Variants in TENM1 observed in about 807,000 individuals in gnomAD.
TENM1 encodes teneurin-1.
In TENM1, 35 loss-of-function variants were observed where a neutral mutation model predicts 174.8. The observed-to-expected ratio is 0.20, with a 90% CI of 0.15 to 0.27. The LOEUF (loss-of-function observed/expected upper bound fraction) is 0.27. TENM1 is among the 10% of genes least tolerant of loss of function. The pLI, the probability that TENM1 is intolerant of heterozygous loss-of-function variation, is 1.00. For synonymous variants in TENM1, 781 were observed against 798.7 expected, an observed-to-expected ratio of 0.98 and a Z score of 0.37; for missense variants, 1,633 against 2,130.1, an observed-to-expected ratio of 0.77 and a Z score of 4.59.
the TENM1 span, chrX:125,204,299 C>G: frequency 8.9e-6 from 1 of 111,874 alleles, no homozygotes; most frequent in Admixed American, 9.4e-5. Flanking sequence ...CCGTGGCCGC[C>G]GCCGCCGCGC....
At chrX:124,974,114 A>G in the TENM1 span, among the ~76,000 whole-genome samples, 5 of 111,749 alleles carry the variant, frequency 4.5e-5, no homozygotes, top group Admixed American at 1.9e-4. Context: ...ACTACTAATA[A>G]TAATAAAGCA....
At chrX:124,902,223 T>C (rs945812246) in intron 1 of TENM1, among the ~76,000 whole-genome samples, 1 of 112,309 alleles carries the variant, frequency 8.9e-6, no homozygotes, top group Admixed American at 9.5e-5. Flanking sequence ...GTTAGTAGTT[T>C]CATGAATCAA....
At chrX:124,851,376 T>G (rs1042681913) in intron 3 of TENM1, among the ~76,000 whole-genome samples, 1 of 111,769 alleles carries the variant, frequency 8.9e-6, no homozygotes, top group Non-Finnish European at 1.9e-5. Context: ...TCTTGAGGAA[T>G]TAGAAAACTT....
intron 3 of TENM1, among the ~76,000 whole-genome samples, chrX:124,747,329 T>A (rs1603117363): frequency 9.2e-6 from 1 of 108,566 alleles, no homozygotes; most frequent in African/African-American, 3.4e-5. Flanking sequence ...TTAGCTCATC[T>A]CAAGGGGAAG....
At chrX:124,645,102 A>T in intron 10 of TENM1, 41 bp downstream of exon 13, 1 of 1,164,145 alleles carries the variant, frequency 8.6e-7, no homozygotes, top group Non-Finnish European at 1.2e-6. Context: ...CAACTGAGTG[A>T]GAGAAAAGCC....
chrX:124,492,248 A>C (rs1334253573), intron 20 of TENM1, among the ~76,000 whole-genome samples: 2 of 111,683 alleles, frequency 1.8e-5, no homozygotes, highest in Non-Finnish European at 3.8e-5. Context: ...AAGTAAAGTG[A>C]CTAATTTGCA....
the TENM1 span, among the ~76,000 whole-genome samples, chrX:125,039,008 A>G: frequency 8.9e-6 from 1 of 111,851 alleles, no homozygotes; most frequent in Non-Finnish European, 1.9e-5. Context: ...ATAGAATTCA[A>G]GCGACTTTCT....
intron 23 of TENM1, among the ~76,000 whole-genome samples, chrX:124,443,348 G>C (rs957946326): frequency 9.0e-6 from 1 of 110,605 alleles, no homozygotes; most frequent in African/African-American, 3.3e-5. Flanking sequence ...ATGAGAGAGA[G>C]GGGAAGGTTT....
chrX:124,678,153 T>A (rs1205083003), intron 5 of TENM1, among the ~76,000 whole-genome samples: 1 of 110,799 alleles, frequency 9.0e-6, no homozygotes, highest in African/African-American at 3.3e-5. Context: ...TGTATTTACA[T>A]CCTGGGAATT....
intron 3 of TENM1, among the ~76,000 whole-genome samples, chrX:124,742,438 G>A (rs1398929003): frequency 9.0e-6 from 1 of 111,471 alleles, no homozygotes; most frequent in African/African-American, 3.3e-5. Context: ...GAAATGCTTT[G>A]AGGATATTTA....
intron 6 of TENM1, among the ~76,000 whole-genome samples, chrX:124,669,238 T>C (rs967378860): frequency 9.0e-6 from 1 of 111,652 alleles, no homozygotes; most frequent in African/African-American, 3.3e-5. Flanking sequence ...CGAGGTTGTG[T>C]CAATTACTTG....
At chrX:125,066,299 T>C in the TENM1 span, among the ~76,000 whole-genome samples, 1 of 111,720 alleles carries the variant, frequency 9.0e-6, no homozygotes, top group African/African-American at 3.3e-5. Context: ...CTGGGACTAC[T>C]TCCCTAGTTC....
At chrX:124,461,878 T>C (rs5958492) in intron 22 of TENM1, among the ~76,000 whole-genome samples, 8,858 of 111,629 alleles carry the variant, frequency 0.079, 894 homozygotes, top group African/African-American at 0.27. Flanking sequence ...AATTTGAATG[T>C]TTCTAGCATA....
intron 3 of TENM1, among the ~76,000 whole-genome samples, chrX:124,758,563 G>T (rs2054325713): frequency 9.0e-6 from 1 of 111,688 alleles, no homozygotes; most frequent in Non-Finnish European, 1.9e-5. Flanking sequence ...TGGAAAACAG[G>T]ATCTTAAAGA....
chrX:124,532,753 A>G (rs1173916775), intron 15 of TENM1, among the ~76,000 whole-genome samples: 2 of 111,697 alleles, frequency 1.8e-5, no homozygotes, highest in Admixed American at 9.5e-5. Flanking sequence ...TATATTCTAC[A>G]TTTATCAGTA....
At chrX:124,432,680 C>T (rs2060794052) in intron 23 of TENM1, among the ~76,000 whole-genome samples, 2 of 112,277 alleles carry the variant, frequency 1.8e-5, no homozygotes, top group Middle Eastern at 4.6e-3. Context: ...CCCACCTCGG[C>T]CTCCCAAAGT....
At chrX:124,443,588 T>A (rs543516925) in intron 23 of TENM1, among the ~76,000 whole-genome samples, 1 of 112,076 alleles carries the variant, frequency 8.9e-6, no homozygotes, top group South Asian at 3.7e-4. Flanking sequence ...TTAAATATAG[T>A]TCTGACTTCA....
At chrX:125,123,371 G>A in the TENM1 span, among the ~76,000 whole-genome samples, 1 of 109,752 alleles carries the variant, frequency 9.1e-6, no homozygotes, top group Non-Finnish European at 1.9e-5. Flanking sequence ...GATCACTTGA[G>A]CCCAGGAGTT....
chrX:124,766,219 C>G (rs1381410275), intron 3 of TENM1, among the ~76,000 whole-genome samples: 2 of 111,316 alleles, frequency 1.8e-5, no homozygotes, highest in Non-Finnish European at 3.8e-5. Context: ...GAAAAAGAAC[C>G]CAAGTCTTTC....
Sources: allele counts gnomAD v4.1 joint callset (sites outside exome capture counted in the v4.1 genomes callset), GRCh38; gene constraint gnomAD v4.1.1; transcripts MANE v1.5; gene names NCBI Gene and HGNC (gene_info 2026-07-23, HGNC 2026-07-21).